The following KAT6B variants were observed in gnomAD, a reference collection of about 807,000 sequenced individuals.
The protein encoded by KAT6B is histone acetyltransferase KAT6B.
Under a neutral mutation model 187.5 loss-of-function variants are expected in KAT6B, and 10 were observed. The observed-to-expected ratio is 0.05, with a 90% CI of 0.03 to 0.09. The LOEUF is 0.09. Among genes scored for constraint, KAT6B ranks in the 10% least tolerant of loss-of-function variants. The probability of loss-of-function intolerance (pLI) is 1.00; values close to 1 mark genes in which losing one functional copy is unlikely to be tolerated. For missense variants in KAT6B, 1,952 were observed against 2,558.9 expected (o/e 0.76, Z 5.12); for synonymous variants, 861 against 926.8 (o/e 0.93, Z 1.29).
At chr10:74,918,524 C>T (rs567230236) in intron 3 of KAT6B, among the ~76,000 whole-genome samples, 2 of 152,168 alleles carry the variant, frequency 1.3e-5, no homozygotes, top group Non-Finnish European at 1.5e-5. Context: ...GGCGGATAAC[C>T]TAAGGTCAGG....
At chr10:74,984,923 C>G (rs755772694) in intron 11 of KAT6B, 157 bp from the exon 12 acceptor site, 2 of 682,400 alleles carry the variant, frequency 2.9e-6, no homozygotes, top group Non-Finnish European at 5.0e-6. Context: ...CAGCTGTTTT[C>G]TGGTTAAAGC....
chr10:74,982,883 A>G (rs1398135958), intron 11 of KAT6B: 2 of 152,200 alleles, frequency 1.3e-5, no homozygotes, highest in Admixed American at 6.5e-5. Context: ...GCTGAAACTT[A>G]TTATTCTGCC....
At chr10:74,828,459 T>G (rs1310426574) in intron 1 of KAT6B, among the ~76,000 whole-genome samples, 4 of 346 alleles carry the variant, frequency 0.012, no homozygotes, top group East Asian at 0.25. Flanking sequence ...TTTTTTGTGT[T>G]TTTTTTTTTT....
chr10:75,021,048 C>A, intron 14 of KAT6B, 78 bp from the exon 15 acceptor site: 1 of 1,374,914 alleles, frequency 7.3e-7, no homozygotes, highest in Non-Finnish European at 1.0e-6. Flanking sequence ...AACATTAGTG[C>A]TAGCATATGT....
At chr10:74,957,915 T>C (rs966114278) in intron 3 of KAT6B, among the ~76,000 whole-genome samples, 8 of 152,254 alleles carry the variant, frequency 5.3e-5, no homozygotes, top group Non-Finnish European at 7.3e-5. Flanking sequence ...ACCAATTTGT[T>C]ATAGCTTGTC....
intron 3 of KAT6B, among the ~76,000 whole-genome samples, chr10:74,946,863 GT>G (rs1256260731): frequency 2.0e-5 from 3 of 152,130 alleles, no homozygotes; most frequent in Admixed American, 2.0e-4. Context: ...TTCATTGTAT[GT>G]AAAATATGGC....
At chr10:74,906,318 T>G (rs1846754951) in intron 3 of KAT6B, among the ~76,000 whole-genome samples, 1 of 152,088 alleles carries the variant, frequency 6.6e-6, no homozygotes. Context: ...GATAATTGCT[T>G]GAACTCAGGA....
chr10:74,841,130 A>G (rs1355178195), intron 2 of KAT6B, among the ~76,000 whole-genome samples: 1 of 152,234 alleles, frequency 6.6e-6, no homozygotes, highest in African/African-American at 2.4e-5. Context: ...GCCTACAAGT[A>G]AAGTGATGGA....
At chr10:75,000,228 G>A (rs752085270) in intron 13 of KAT6B, among the ~76,000 whole-genome samples, 11 of 150,886 alleles carry the variant, frequency 7.3e-5, no homozygotes, top group Non-Finnish European at 1.0e-4. Context: ...AAGCTTGACT[G>A]TCAAGGGCTG....
Position 75,029,235 on chromosome 10 carries a change from C to T in KAT6B, c.4411C>T (p.Pro1471Ser). The T allele has an allele frequency of 1.2e-6, 2 of 1,614,036 alleles. No individual in the cohort carries two copies. The highest frequency in any genetic ancestry group is 1.7e-6 in the Non-Finnish European group (2 of 1,180,004). The change falls in exon 18 of 18, where the codon CCA becomes TCA. Residue 1471 changes from proline to serine, a missense_variant. Around this residue, in one of 9 missense-constraint regions of KAT6B, gnomAD observed 758 missense variants for 891.4 expected, o/e 0.85. Coordinates refer to ENST00000287239, the MANE Select transcript of KAT6B (RefSeq NM_012330.4). The surrounding 1 kb of genome is among the most constrained non-coding windows in gnomAD (Gnocchi z 6.2). The stretch of plus-strand genomic sequence containing the variant: ...TAATGTGCAGCCTGGTCACTCGAAC[C>T]CAGAGGTCTTAATGGACTGTGGCGT... The part of the protein sequence containing the change: ...DLNVQPGHSN[P>S]EVLMDCGVDL...
chr10:74,889,292 T>G (rs1293313423), intron 3 of KAT6B, among the ~76,000 whole-genome samples: 2 of 152,234 alleles, frequency 1.3e-5, no homozygotes, highest in Non-Finnish European at 2.9e-5. Context: ...TTAGACAAGA[T>G]AAGGTTGCCT....
intron 3 of KAT6B, among the ~76,000 whole-genome samples, chr10:74,887,460 G>T (rs1845362801): frequency 6.6e-6 from 1 of 152,190 alleles, no homozygotes; most frequent in Admixed American, 6.5e-5. Flanking sequence ...GAGTAGCTGA[G>T]ATTACAGGCA....
At chr10:74,853,490 C>T (rs764991974) in intron 3 of KAT6B, among the ~76,000 whole-genome samples, 12 of 151,834 alleles carry the variant, frequency 7.9e-5, no homozygotes, top group Non-Finnish European at 1.6e-4. Flanking sequence ...GATAGGGTTT[C>T]GCCACGTTGC....
At chr10:74,914,945 A>G (rs941324100) in intron 3 of KAT6B, among the ~76,000 whole-genome samples, 2 of 152,080 alleles carry the variant, frequency 1.3e-5, no homozygotes, top group Non-Finnish European at 1.5e-5. Flanking sequence ...AAATAAAAAA[A>G]TAAAAATAGC....
chr10:74,843,384 A>G lies in KAT6B; in HGVS notation c.527A>G (p.Tyr176Cys). 1 of 1,613,920 alleles carries G rather than the reference A, an allele frequency of 6.2e-7. No homozygotes were observed. Among genetic ancestry groups the G allele is most frequent in the Non-Finnish European group, 8.5e-7 (1 of 1,179,954 alleles). ...LKDGPQYRVN[Y>C]GSLDGKGAPQ... ...GACGGACCGCAGTACAGGGTCAATT[A>G]TGGGAGCTTAGATGGCAAAGGGGCA... is the stretch of plus-strand genomic sequence containing the variant. The change falls in exon 3 of 18, where the codon TAT (tyrosine) becomes TGT (cysteine). Residue 176 changes from tyrosine to cysteine, a missense_variant. Physicochemically the swap from Tyr to Cys is radical, Grantham distance 194. This residue lies in a region of KAT6B where 218 missense variants were observed against 282.6 expected (regional missense o/e 0.77). Transcript: ENST00000287239.
intron 3 of KAT6B, among the ~76,000 whole-genome samples, chr10:74,938,954 C>T (rs532336290): frequency 2.5e-4 from 38 of 152,124 alleles, no homozygotes; most frequent in African/African-American, 8.0e-4. Context: ...CCAGGCTGGT[C>T]TCGAACTCCT....
intron 13 of KAT6B, among the ~76,000 whole-genome samples, chr10:75,006,622 T>G (rs1267390342): frequency 6.6e-6 from 1 of 152,078 alleles, no homozygotes; most frequent in African/African-American, 2.4e-5. Flanking sequence ...GCTGATTTTT[T>G]CATTTTCTGT....
At chr10:74,987,503 T>TG (rs1364963965) in intron 12 of KAT6B, among the ~76,000 whole-genome samples, 1 of 152,166 alleles carries the variant, frequency 6.6e-6, no homozygotes, top group Non-Finnish European at 1.5e-5. Context: ...TCTGGCCCTT[T>TG]GGGGCTATTC....
chr10:74,882,571 G>T (rs1467064609), intron 3 of KAT6B, among the ~76,000 whole-genome samples: 1 of 152,180 alleles, frequency 6.6e-6, no homozygotes, highest in African/African-American at 2.4e-5. Context: ...CTTTGTTAAA[G>T]ACTTTTTCTA....
Sources: allele counts gnomAD v4.1 joint callset (sites outside exome capture counted in the v4.1 genomes callset), GRCh38; gene constraint gnomAD v4.1.1; regional missense constraint gnomAD v4.1.1; non-coding constraint Gnocchi (gnomAD v3.1); transcripts MANE v1.5; gene names NCBI Gene and HGNC (gene_info 2026-07-23, HGNC 2026-07-21).